ARHGEF7: variants seen among roughly 807,000 people sequenced by gnomAD.
ARHGEF7 encodes PAK-interacting exchange factor beta.
In ARHGEF7, 33 loss-of-function variants were observed where a neutral mutation model predicts 109.8. That is an observed-to-expected ratio of 0.30 (90% confidence interval 0.23 to 0.40). ARHGEF7 has a LOEUF of 0.40. Among genes scored for constraint, ARHGEF7 ranks in the 10% least tolerant of loss-of-function variants. The probability of loss-of-function intolerance (pLI) is 1.00; values close to 1 mark genes in which losing one functional copy is unlikely to be tolerated. For synonymous variants in ARHGEF7, 458 were observed against 424.6 expected, an observed-to-expected ratio of 1.08 and a Z score of -0.97; for missense variants, 938 against 1,098.5, an observed-to-expected ratio of 0.85 and a Z score of 2.07.
chr13:111,283,896 T>G (rs1161063686), intron 16 of ARHGEF7, among the ~76,000 whole-genome samples: 2 of 152,194 alleles, frequency 1.3e-5, no homozygotes, highest in Admixed American at 1.3e-4. Flanking sequence ...TGCTTGTCTC[T>G]GTTCTCATCC....
At chr13:111,247,879 A>AC (rs1286177180) in intron 8 of ARHGEF7, among the ~76,000 whole-genome samples, 1 of 152,040 alleles carries the variant, frequency 6.6e-6, no homozygotes, top group Non-Finnish European at 1.5e-5. Context: ...AAGTTGGCTG[A>AC]CCCCCAGGTG....
At chr13:111,148,972 A>G (rs2075753125) in intron 1 of ARHGEF7, among the ~76,000 whole-genome samples, 1 of 152,218 alleles carries the variant, frequency 6.6e-6, no homozygotes, top group African/African-American at 2.4e-5. Context: ...TATTTTTGTG[A>G]ACAAAGTTTT....
At chr13:111,198,980 G>C (rs1720862838) in intron 2 of ARHGEF7, among the ~76,000 whole-genome samples, 1 of 152,206 alleles carries the variant, frequency 6.6e-6, no homozygotes, top group South Asian at 2.1e-4. Flanking sequence ...TTTTTACAGA[G>C]TGCTGATAGG....
At chr13:111,125,405 T>G (rs951332757) in intron 1 of ARHGEF7, among the ~76,000 whole-genome samples, 1 of 150,628 alleles carries the variant, frequency 6.6e-6, no homozygotes, top group African/African-American at 2.4e-5. Context: ...TTTTAGGGGC[T>G]GGTGATCATC....
At chr13:111,243,726 G>A (rs1339244581) in intron 6 of ARHGEF7, 146 bp from the exon 7 acceptor site, 3 of 598,804 alleles carry the variant, frequency 5.0e-6, no homozygotes, top group Non-Finnish European at 5.9e-6. Flanking sequence ...TAATTGCAAA[G>A]AATGATGATG....
chr13:111,193,256 G>A (rs574767603), intron 2 of ARHGEF7, among the ~76,000 whole-genome samples: 64 of 152,332 alleles, frequency 4.2e-4, no homozygotes, highest in African/African-American at 1.5e-3. Flanking sequence ...TTTCAGTTGG[G>A]GAATACTGGG....
upstream of ARHGEF7, chr13:111,115,118 C>T (rs970556685): frequency 6.7e-6 from 1 of 149,832 alleles, no homozygotes; most frequent in Non-Finnish European, 1.5e-5. Context: ...TCCCCGCTCC[C>T]CTTCCCCTTT....
chr13:111,171,875 A>G (rs1322505386), intron 2 of ARHGEF7, among the ~76,000 whole-genome samples: 1 of 152,170 alleles, frequency 6.6e-6, no homozygotes, highest in Non-Finnish European at 1.5e-5. Context: ...GGCCTCAGAG[A>G]GAGACCTCTG....
chr13:111,242,575 T>A (rs1213935516), intron 6 of ARHGEF7, among the ~76,000 whole-genome samples: 2 of 152,224 alleles, frequency 1.3e-5, no homozygotes, highest in African/African-American at 4.8e-5. Flanking sequence ...TGTGATTTCC[T>A]GATTTAAAAA....
At chr13:111,300,661 TA>T (rs1282319078) in intron 19 of ARHGEF7, 86 bp from the exon 20 acceptor site, 8 of 875,016 alleles carry the variant, frequency 9.1e-6, no homozygotes, top group Non-Finnish European at 1.2e-5. Context: ...ACTTAATATT[TA>T]AGTGACATGG....
At chr13:111,212,683 T>C (rs2082643597) in intron 4 of ARHGEF7, among the ~76,000 whole-genome samples, 1 of 152,228 alleles carries the variant, frequency 6.6e-6, no homozygotes, top group Non-Finnish European at 1.5e-5. Context: ...ACCTTGGCTT[T>C]GGACCAGTCA....
At chr13:111,280,023 GTGTT>G (rs2153605963) in intron 13 of ARHGEF7, among the ~76,000 whole-genome samples, 1 of 152,262 alleles carries the variant, frequency 6.6e-6, no homozygotes, top group East Asian at 1.9e-4. Flanking sequence ...GATACAGTGT[GTGTT>G]TGGGCTTGTC....
intron 17 of ARHGEF7, among the ~76,000 whole-genome samples, chr13:111,287,798 C>T (rs2093086014): frequency 6.6e-6 from 1 of 152,210 alleles, no homozygotes; most frequent in South Asian, 2.1e-4. Context: ...GCACCCTGAG[C>T]AGCAGGCAGC....
At chr13:111,188,993 G>A (rs886926295) in intron 2 of ARHGEF7, among the ~76,000 whole-genome samples, 1 of 152,208 alleles carries the variant, frequency 6.6e-6, no homozygotes, top group African/African-American at 2.4e-5. Flanking sequence ...GGTTTATTAT[G>A]TCAGTTATGT....
chr13:111,283,448 G>A (rs1437953114), intron 16 of ARHGEF7, 85 bp downstream of exon 16: 8 of 1,483,732 alleles, frequency 5.4e-6, no homozygotes, highest in African/African-American at 1.4e-5. Context: ...GGCCTTCTGT[G>A]TACAGCAAAA....
chr13:111,293,700 A>G, intron 19 of ARHGEF7: 2 of 985,450 alleles, frequency 2.0e-6, no homozygotes, highest in Non-Finnish European at 1.2e-6. Context: ...AAGATGCCAT[A>G]GTAAATTGAG....
intron 1 of ARHGEF7, among the ~76,000 whole-genome samples, chr13:111,129,406 A>G (rs1406789803): frequency 1.3e-5 from 2 of 152,194 alleles, no homozygotes; most frequent in African/African-American, 4.8e-5. Flanking sequence ...AAGAACTTCT[A>G]TTATTTAAAA....
At position 111,270,083 on chromosome 13, in the gene ARHGEF7, G is replaced by A. The variant is rs191329757; in HGVS notation, c.1073+2413G>A. Among the ~76,000 whole-genome samples the A allele has an allele frequency of 1.1e-3, 171 of 152,364 alleles. 2 individuals carry two copies. Among genetic ancestry groups the A allele is most frequent in the Middle Eastern group, 3.4e-3 (1 of 294 alleles). On this transcript the variant is annotated intron_variant, in intron 9 of 21. Coordinates refer to ENST00000646102, the MANE Select transcript of ARHGEF7 (RefSeq NM_001354046.2). The stretch of plus-strand genomic sequence containing the variant: ...TAAGTTCTAAGTGTGAGCCCTGCGA[G>A]CGCAGAATGCCAACTCTGACCGTTT...
intron 2 of ARHGEF7, among the ~76,000 whole-genome samples, chr13:111,192,727 G>T (rs1403524785): frequency 9.4e-3 from 1 of 106 alleles, no homozygotes; most frequent in African/African-American, 0.036. Context: ...GAAGGGTACC[G>T]AGTTACCACG....
Sources: gnomAD v4.1 joint callset for allele counts (sites outside exome capture counted in the v4.1 genomes callset) on GRCh38, gnomAD v4.1.1 for gene constraint, MANE v1.5 for transcripts, NCBI Gene and HGNC (gene_info 2026-07-23, HGNC 2026-07-21) for gene names.